The following HAL variants were observed in gnomAD, a reference collection of about 807,000 sequenced individuals.
HAL encodes histidase.
HAL carries 85 observed loss-of-function variants against 81.1 expected under a neutral mutation model. The ratio of observed to expected loss-of-function variants is 1.05; its 90% CI spans 0.88 to 1.25. The LOEUF (loss-of-function observed/expected upper bound fraction) is 1.25. HAL is among the 50% of genes most tolerant of loss of function. The probability of loss-of-function intolerance (pLI) is 0.00; values close to 1 mark genes in which losing one functional copy is unlikely to be tolerated. For missense variants in HAL, 798 were observed against 836.6 expected (o/e 0.95, Z 0.57); for synonymous variants, 301 against 309.2 (o/e 0.97, Z 0.28).
chr12:95,990,278 T>C (rs2136821077), intron 10 of HAL, 115 bp downstream of exon 10: 2 of 849,146 alleles, frequency 2.4e-6, no homozygotes, highest in South Asian at 1.3e-5. Context: ...AAAGTAAGGA[T>C]AGTAGGAGCT....
intron 8 of HAL, 114 bp downstream of exon 8, chr12:95,993,337 A>T (rs1949994708): frequency 2.5e-6 from 2 of 800,144 alleles, no homozygotes; most frequent in Non-Finnish European, 4.5e-6. Context: ...TAGTTCTTGA[A>T]ATGCTGTTTT....
At chr12:95,975,444 A>G (rs866496266) in intron 20 of HAL, among the ~76,000 whole-genome samples, 35 of 151,670 alleles carry the variant, frequency 2.3e-4, no homozygotes, top group African/African-American at 7.8e-4. Context: ...TCAAGAAGCC[A>G]AAGTGGGAGG....
intron 14 of HAL, among the ~76,000 whole-genome samples, chr12:95,985,624 C>CAAAAA (rs56285140): frequency 2.6e-5 from 2 of 77,212 alleles, no homozygotes; most frequent in African/African-American, 5.3e-5. Context: ...TTGTCTGTCT[C>CAAAAA]AAAAAAAAAA....
intron 17 of HAL, among the ~76,000 whole-genome samples, chr12:95,978,342 G>A (rs2080749504): frequency 1.3e-5 from 2 of 152,118 alleles, no homozygotes; most frequent in Non-Finnish European, 2.9e-5. Flanking sequence ...ACAAGGCCAA[G>A]ATGACAACCT....
rs769042357 is a variant in HAL, at chr12:95,980,509, C to A, written c.1519+47G>T. ...ATACTTCTAGGTGAAATGGAAAGAC[C>A]CTTAGATGGACGGGCGTGTGTTCTG... On this transcript the variant is annotated intron_variant, in intron 17 of 20. Transcript: ENST00000261208. 3 of 1,579,312 alleles carry A rather than the reference C, an allele frequency of 1.9e-6. No individual in the cohort carries two copies. The South Asian group carries it at 3.3e-5, about 17-fold the overall frequency.
In HAL at chr12:95,990,480, G is replaced by A. The variant is rs371728530; in HGVS notation, c.768C>T (p.Asp256=). Residue 256 remains aspartate (D), a synonymous_variant, in exon 10 of 21, where the codon GAC becomes GAT. Coordinates refer to ENST00000261208, the MANE Select transcript of HAL (RefSeq NM_002108.4). ...GAGCAAGATGAGAGAGTGGGGCAAG[G>A]TCTCCACTGGCACCAACGGTTCCTT... ...PEKGTVGASG[D]LAPLSHLALG... The A allele has an allele frequency of 1.7e-5, 28 of 1,610,482 alleles. No homozygotes were observed. The African/African-American group carries it at 3.5e-4, about 20-fold the overall frequency.
rs776511210 is a variant in HAL, at chr12:95,976,409, A to C, written c.1833+20T>G. 3 of 1,596,286 alleles carry C rather than the reference A, an allele frequency of 1.9e-6. No individual in the cohort carries two copies. The Admixed American group carries it at 5.0e-5, about 27-fold the overall frequency. On this transcript the variant is annotated intron_variant, in intron 20 of 20. Transcript: ENST00000261208. ...CTGTAACAATTAAAAATTAAGAAAC[A>C]AGCCAAGGAGCCAGCTTGCCTTCTG...
chr12:95,988,125 T>C (rs1949919000), intron 11 of HAL, 68 bp downstream of exon 11: 1 of 836,328 alleles, frequency 1.2e-6, no homozygotes, highest in African/African-American at 1.7e-5. Flanking sequence ...AGGCTGAGAT[T>C]AAAACTGAAA....
chr12:95,978,898 C>T (rs893452453), intron 17 of HAL, among the ~76,000 whole-genome samples: 1 of 152,136 alleles, frequency 6.6e-6, no homozygotes, highest in Middle Eastern at 3.2e-3. Flanking sequence ...TGCATGGGAT[C>T]GCATCCTAAG....
rs1241154771 is a variant in HAL, at chr12:95,990,401, C to T, written c.847G>A (p.Ala283Thr). ...MWSPKSGWADAKYVLEAHGLK... is the reference protein window; with the variant it reads ...MWSPKSGWADTKYVLEAHGLK... ...GCTGCTACGAGTCTTACGTATTTAG[C>T]ATCAGCCCAGCCACTCTTCGGAGAC... The change falls in exon 10 of 21, where the codon GCT (alanine) becomes ACT (threonine). Residue 283 changes from alanine (A) to threonine (T), a missense_variant. Ala to Thr is a moderately conservative substitution (Grantham distance 58). Transcript: ENST00000261208. 8.1e-6 allele frequency: 13 copies of T among 1,613,330 alleles called. No homozygotes were observed. The highest frequency in any genetic ancestry group is 1.0e-5 in the Non-Finnish European group (12 of 1,179,388).
rs745978914 is a variant in HAL at position 95,976,470 on chromosome 12, G to T, written c.1792C>A (p.Pro598Thr). The change falls in exon 20 of 21, where the codon CCG (proline) becomes ACG (threonine). Residue 598 changes from proline (P) to threonine (T), a missense_variant. Coordinates refer to ENST00000261208, the MANE Select transcript of HAL (RefSeq NM_002108.4). ...AGCCTGTGGGCTGCCTCGATGTCCG[G>T]GGCCATGAAGCGATCTTTTATCCAG... Reference protein sequence around the residue: ...RPWIKDRFMAPDIEAAHRLLL... With the variant: ...RPWIKDRFMATDIEAAHRLLL... 6.2e-7 allele frequency: 1 copy of T among 1,614,072 alleles called. No individual in the cohort carries two copies. Among genetic ancestry groups the T allele is most frequent in the South Asian group, 1.1e-5 (1 of 91,074 alleles).
At chr12:95,992,956 C>T (rs966204803) in intron 8 of HAL, 151 bp from the exon 9 acceptor site, 1 of 752,844 alleles carries the variant, frequency 1.3e-6, no homozygotes, top group Non-Finnish European at 2.3e-6. Flanking sequence ...ACTCTCCCTC[C>T]TGCCTGTCTG....
Position 95,976,504 on chromosome 12 carries a change from G to A in HAL, c.1764-6C>T. ...AGCGATCTTTTATCCAGGGCCTACA[G>A]GGAGAGCACATCCGCCCATCAGCCA... On this transcript the variant is annotated splice_region_variant and splice_polypyrimidine_tract_variant and intron_variant, in intron 19 of 20. Coordinates refer to ENST00000261208, the MANE Select transcript of HAL (RefSeq NM_002108.4). 6.2e-7 allele frequency: 1 copy of A among 1,613,838 alleles called. No individual in the cohort carries two copies. Among genetic ancestry groups the A allele is most frequent in the Non-Finnish European group, 8.5e-7 (1 of 1,179,706 alleles).
chr12:95,977,744 C>A (rs1403448768), intron 18 of HAL, among the ~76,000 whole-genome samples, 200 bp downstream of exon 18: 1 of 151,980 alleles, frequency 6.6e-6, no homozygotes, highest in East Asian at 1.9e-4. Context: ...TCAGAATCAC[C>A]TGGAGGGTTC....
intron 8 of HAL, among the ~76,000 whole-genome samples, chr12:95,993,080 G>A (rs10492227): frequency 0.29 from 43,841 of 151,970 alleles, 7,073 homozygotes; most frequent in African/African-American, 0.45. Flanking sequence ...CTTTAGAATA[G>A]CATCCAGAGT....
At chr12:95,983,664 T>C in intron 15 of HAL, 1 of 554,950 alleles carries the variant, frequency 1.8e-6, no homozygotes, top group Non-Finnish European at 3.2e-6. Context: ...AAATCTTGAA[T>C]AGGTCCATTT....
At chr12:95,979,880 T>A (rs1291559657) in intron 17 of HAL, among the ~76,000 whole-genome samples, 1 of 152,218 alleles carries the variant, frequency 6.6e-6, no homozygotes, top group Non-Finnish European at 1.5e-5. Flanking sequence ...CAGATATTCA[T>A]CTATAGATAA....
chr12:95,990,334 GCA>G, intron 10 of HAL, 57 bp downstream of exon 10: 1 of 1,396,368 alleles, frequency 7.2e-7, no homozygotes, highest in Non-Finnish European at 1.0e-6. Flanking sequence ...AAGCATGCAA[GCA>G]CAGTTGGTGT....
At chr12:95,984,217 C>T (rs1949848924) in intron 14 of HAL, among the ~76,000 whole-genome samples, 1 of 152,164 alleles carries the variant, frequency 6.6e-6, no homozygotes, top group Admixed American at 6.5e-5. Context: ...TATATATTCA[C>T]ATTAGATCAA....
Sources: gnomAD v4.1 joint callset for allele counts (sites outside exome capture counted in the v4.1 genomes callset) on GRCh38, gnomAD v4.1.1 for gene constraint, MANE v1.5 for transcripts, NCBI Gene and HGNC (gene_info 2026-07-23, HGNC 2026-07-21) for gene names.